Variants in USP34 observed in about 807,000 individuals in gnomAD.
USP34 encodes ubiquitin specific peptidase 34.
Under a neutral mutation model 460.3 loss-of-function variants are expected in USP34, and 70 were observed. The ratio of observed to expected loss-of-function variants is 0.15; its 90% confidence interval spans 0.13 to 0.19. USP34 has a LOEUF of 0.19. USP34 is among the 10% of genes least tolerant of loss of function. The pLI is 1.00. For synonymous variants in USP34, 1,647 were observed against 1,405.3 expected (o/e 1.17, Z -3.85); for missense variants, 3,985 against 4,236.2 (o/e 0.94, Z 1.65).
At chr2:61,235,815 T>C (rs1688052739) in intron 57 of USP34, 30 bp downstream of exon 57, 1 of 1,596,456 alleles carries the variant, frequency 6.3e-7, no homozygotes, top group African/African-American at 1.4e-5. Flanking sequence ...AATCTTAAAC[T>C]ATGCATTAGT....
chr2:61,406,702 T>TA (rs35191538), intron 2 of USP34, among the ~76,000 whole-genome samples: 94 of 144,262 alleles, frequency 6.5e-4, no homozygotes, highest in Admixed American at 1.2e-3. Context: ...TATGTGTATT[T>TA]AAAAAAAAAA....
rs1054922602 is a variant in USP34 at position 61,452,299 on chromosome 2, G to A, written c.43+18351C>T. Among the ~76,000 whole-genome samples, 321 of 147,976 alleles carry A rather than the reference G, an allele frequency of 2.2e-3. 3 individuals carry two copies. Among genetic ancestry groups the A allele is most frequent in the Middle Eastern group, 7.3e-3 (2 of 274 alleles). ...AGAACCATGCCAAGTGAAGTGGCTCGTGCCTATAATTCCCGGCACTTTTTT... is the reference window on the plus strand; with the variant it reads ...AGAACCATGCCAAGTGAAGTGGCTCATGCCTATAATTCCCGGCACTTTTTT... On this transcript the variant is annotated intron_variant, in intron 1 of 79. Transcript: ENST00000398571.
At chr2:61,293,670 T>C in intron 32 of USP34, 120 bp from the exon 33 acceptor site, 2 of 650,042 alleles carry the variant, frequency 3.1e-6, no homozygotes, top group Non-Finnish European at 5.1e-6. Flanking sequence ...CTACTATTCA[T>C]TTAAATTACC....
At chr2:61,344,605 G>A (rs575828059) in intron 15 of USP34, among the ~76,000 whole-genome samples, 1 of 152,166 alleles carries the variant, frequency 6.6e-6, no homozygotes, top group Non-Finnish European at 1.5e-5. Flanking sequence ...AATATGAAAA[G>A]AGCTAAAATG....
chr2:61,319,399 T>C (rs568320476), intron 21 of USP34, 72 bp from the exon 22 acceptor site: 3 of 1,136,872 alleles, frequency 2.6e-6, no homozygotes, highest in Admixed American at 6.5e-5. Flanking sequence ...TAGGCATGTG[T>C]ATGTACAGTA....
chr2:61,242,885 C>T (rs1018578033), intron 51 of USP34, among the ~76,000 whole-genome samples: 1 of 151,930 alleles, frequency 6.6e-6, no homozygotes, highest in Non-Finnish European at 1.5e-5. Flanking sequence ...TTTTGCTCAT[C>T]TCCCAGGCTG....
chr2:61,417,898 G>C (rs139559621), intron 2 of USP34, among the ~76,000 whole-genome samples: 1 of 147,586 alleles, frequency 6.8e-6, no homozygotes, highest in Non-Finnish European at 1.5e-5. Context: ...AGCACCCCAC[G>C]CCTGGCTAAT....
At chr2:61,449,805 C>T (rs2694635) in intron 1 of USP34, among the ~76,000 whole-genome samples, 91,379 of 151,092 alleles carry the variant, frequency 0.6, 27,487 homozygotes, top group Middle Eastern at 0.68. Context: ...CGGTGGCTCA[C>T]GCCTGTAATC....
chr2:61,426,200 C>T (rs1444501413), intron 1 of USP34, among the ~76,000 whole-genome samples: 1 of 152,150 alleles, frequency 6.6e-6, no homozygotes, highest in Non-Finnish European at 1.5e-5. Flanking sequence ...AAAACTCCTA[C>T]TTGAGAAAAG....
chr2:61,312,379 T>C (rs2103674952), intron 25 of USP34, among the ~76,000 whole-genome samples: 1 of 152,212 alleles, frequency 6.6e-6, no homozygotes. Flanking sequence ...AATTCATGGC[T>C]GTTAAAATTA....
chr2:61,368,198 C>T (rs879299120), intron 10 of USP34, among the ~76,000 whole-genome samples: 1 of 152,050 alleles, frequency 6.6e-6, no homozygotes, highest in Admixed American at 6.6e-5. Context: ...CTTTGTGAGG[C>T]CAAGGCGGAA....
At chr2:61,407,083 G>A (rs1693895647) in intron 2 of USP34, among the ~76,000 whole-genome samples, 1 of 152,116 alleles carries the variant, frequency 6.6e-6, no homozygotes, top group Admixed American at 6.6e-5. Flanking sequence ...CCTGGCATAT[G>A]TAGATAATTA....
At chr2:61,251,478 A>G (rs1688580862) in intron 48 of USP34, among the ~76,000 whole-genome samples, 1 of 152,256 alleles carries the variant, frequency 6.6e-6, no homozygotes. Context: ...CTTAATAAAT[A>G]GAAGCCAAGA....
chr2:61,204,018 T>G (rs537144824), intron 74 of USP34, among the ~76,000 whole-genome samples: 36 of 152,254 alleles, frequency 2.4e-4, no homozygotes, highest in African/African-American at 8.2e-4. Flanking sequence ...TATTAAGACT[T>G]ACTATTAAGG....
chr2:61,188,197 G>T lies in USP34; in HGVS notation c.10546C>A (p.Gln3516Lys), dbSNP rs750629756. 1 of 1,614,136 alleles carries T rather than the reference G, an allele frequency of 6.2e-7. No homozygotes were observed. The highest frequency in any genetic ancestry group is 8.5e-7 in the Non-Finnish European group (1 of 1,180,040). Reference sequence around the variant, plus strand: ...CACAGGGTATCTAAAATGTCATGTTGCTGCATATGACTAAAGAGTCCTCTG... The same window carrying T: ...CACAGGGTATCTAAAATGTCATGTTTCTGCATATGACTAAAGAGTCCTCTG... ...HSRGLFSHMQ[Q>K]HDILDTLCRT... The change falls in exon 80 of 80, where the codon CAA (glutamine) becomes AAA (lysine). Residue 3516 changes from glutamine to lysine, a missense_variant. Coordinates refer to ENST00000398571, the MANE Select transcript of USP34 (RefSeq NM_014709.4).
chr2:61,294,853 T>A, intron 32 of USP34, 96 bp downstream of exon 32: 1 of 967,138 alleles, frequency 1.0e-6, no homozygotes, highest in Non-Finnish European at 1.6e-6. Context: ...TAATAGTATA[T>A]TAGTTTAAAA....
chr2:61,442,010 A>T (rs145889576), intron 1 of USP34, among the ~76,000 whole-genome samples: 266 of 152,248 alleles, frequency 1.7e-3, no homozygotes, highest in African/African-American at 5.6e-3. Flanking sequence ...AGGTGCCAAG[A>T]ATGTTCACTG....
chr2:61,351,520 A>T (rs1188646017), intron 10 of USP34, among the ~76,000 whole-genome samples: 1 of 152,188 alleles, frequency 6.6e-6, no homozygotes, highest in Non-Finnish European at 1.5e-5. Flanking sequence ...ATAGGGTAAT[A>T]AACAGAAGAT....
Position 61,360,020 on chromosome 2 carries a change from C to A in USP34, c.1252-9327G>T, listed in dbSNP as rs796236205. Among the ~76,000 whole-genome samples, 5 of 151,906 alleles carry A rather than the reference C, an allele frequency of 3.3e-5. 1 individual carries two copies. The highest frequency in any genetic ancestry group is 1.2e-4 in the African/African-American group (5 of 41,478). On this transcript the variant is annotated intron_variant, in intron 10 of 79. Transcript: ENST00000398571. ...GGCTGGTCTTGAACTCCTGACCTCA[C>A]GATCCACCCGCCTCAGCTTCCCAAA... is the stretch of plus-strand genomic sequence containing the variant.
Sources: gnomAD v4.1 joint callset for allele counts (sites outside exome capture counted in the v4.1 genomes callset) on GRCh38, gnomAD v4.1.1 for gene constraint, MANE v1.5 for transcripts, NCBI Gene and HGNC (gene_info 2026-07-23, HGNC 2026-07-21) for gene names.